The following SLC36A2 variants were observed in gnomAD, a reference collection of about 807,000 sequenced individuals.
SLC36A2 encodes the protein proton-coupled amino acid transporter 2.
In SLC36A2, 39 loss-of-function variants were observed where a neutral mutation model predicts 42.7. The observed-to-expected ratio is 0.91, with a 90% CI of 0.71 to 1.19. The LOEUF is 1.19. SLC36A2 is among the 50% of genes most tolerant of loss of function. SLC36A2 has a pLI of 0.00. For synonymous variants in SLC36A2, 237 were observed against 240.8 expected (o/e 0.98, Z 0.15); for missense variants, 590 against 613.7 (o/e 0.96, Z 0.41).
At chr5:151,343,895 G>A (rs1756418640) in intron 2 of SLC36A2, among the ~76,000 whole-genome samples, 1 of 152,280 alleles carries the variant, frequency 6.6e-6, no homozygotes, top group Admixed American at 6.5e-5. Flanking sequence ...AGGGGACCTG[G>A]TGTTCTATAG....
intron 5 of SLC36A2, among the ~76,000 whole-genome samples, chr5:151,336,163 GC>G (rs913026150): frequency 6.6e-6 from 1 of 152,220 alleles, no homozygotes; most frequent in African/African-American, 2.4e-5. Context: ...ATTGAATGCA[GC>G]CTTTGAGGAC....
intron 1 of SLC36A2, 60 bp from the exon 2 acceptor site, chr5:151,344,327 G>T: frequency 1.4e-6 from 2 of 1,423,916 alleles, no homozygotes; most frequent in Non-Finnish European, 9.8e-7. Context: ...ATCCAGCGGT[G>T]ATTCCCTTGC....
intron 5 of SLC36A2, 94 bp downstream of exon 5, chr5:151,338,966 T>A: frequency 1.1e-6 from 1 of 910,400 alleles, no homozygotes; most frequent in Non-Finnish European, 1.8e-6. Context: ...GTTACATTGA[T>A]GAGGACCAGA....
chr5:151,322,272 C>T, intron 8 of SLC36A2, 57 bp from the exon 9 acceptor site: 1 of 1,590,646 alleles, frequency 6.3e-7, no homozygotes, highest in Non-Finnish European at 8.6e-7. Flanking sequence ...ACACTGGCCT[C>T]CTTGGAACAT....
chr5:151,322,702 C>T (rs1580845239), intron 8 of SLC36A2, among the ~76,000 whole-genome samples: 1 of 152,252 alleles, frequency 6.6e-6, no homozygotes, highest in African/African-American at 2.4e-5. Context: ...GAGAGAACTG[C>T]AGAATCCCAA....
At position 151,316,672 on chromosome 5, in the gene SLC36A2, C is replaced by T. The variant is rs570466366; in HGVS notation, c.*145G>A. 56 of 1,044,932 alleles carry T rather than the reference C, an allele frequency of 5.4e-5. No individual in the cohort carries two copies. The highest frequency in any genetic ancestry group is 7.4e-5 in the African/African-American group (4 of 54,316). 64.7% of individuals were successfully genotyped at this position (1,044,932 alleles called of 1,614,324 possible). On this transcript the variant is annotated 3_prime_UTR_variant, in exon 10 of 10. Coordinates refer to ENST00000335244, the MANE Select transcript of SLC36A2 (RefSeq NM_181776.3). ...GGAGAATCGCTTGAACCCAGGAGGCCGAAGTTGTGGTGAGCTGAGATCGCA... is the reference window on the plus strand; with the variant it reads ...GGAGAATCGCTTGAACCCAGGAGGCTGAAGTTGTGGTGAGCTGAGATCGCA...
rs762957565 is a variant in SLC36A2 at position 151,344,315 on chromosome 5, A to G, written c.165-48T>C. 1.1e-5 allele frequency: 17 copies of G among 1,507,700 alleles called. No homozygotes were observed. The South Asian group carries it at 1.6e-4, about 14-fold the overall frequency. The allele number at this position is 1,507,700 out of a possible 1,614,324, so 93.4% of individuals were successfully genotyped here. On this transcript the variant is annotated intron_variant, in intron 1 of 9. Transcript: ENST00000335244. Reference sequence around the variant, plus strand: ...GAAGTATGGGTGTGTGGAGGTGAGAAGATCCAGCGGTGATTCCCTTGCAGC... The same window carrying G: ...GAAGTATGGGTGTGTGGAGGTGAGAGGATCCAGCGGTGATTCCCTTGCAGC...
At chr5:151,340,366 T>G (rs144435040) in intron 4 of SLC36A2, among the ~76,000 whole-genome samples, 28 of 152,170 alleles carry the variant, frequency 1.8e-4, no homozygotes, top group Non-Finnish European at 3.8e-4. Context: ...ATTCAGAATC[T>G]GAATCTTTGA....
In SLC36A2 at chr5:151,347,340, T is replaced by G. The variant is rs1364461886; in HGVS notation, c.121A>C (p.Ser41Arg). ...ENKDSTFLDE[S>R]PSESAGLKKT... is the part of the protein sequence containing the mutation. ...TTCAAGCCTGCTGACTCTGAAGGAC[T>G]TTCATCCAAGAATGTAGAGTCCTTG... Residue 41 changes from serine to arginine, a missense_variant, in exon 1 of 10, where the codon AGT becomes CGT. Transcript: ENST00000335244. The G allele has an allele frequency of 6.2e-7, 1 of 1,614,258 alleles. No homozygotes were observed. The highest frequency in any genetic ancestry group is 1.3e-5 in the African/African-American group (1 of 75,074).
chr5:151,343,293 G>A (rs879088933), intron 3 of SLC36A2, among the ~76,000 whole-genome samples: 3 of 152,262 alleles, frequency 2.0e-5, no homozygotes, highest in African/African-American at 7.2e-5. Context: ...ATTTCCAGAG[G>A]AGCCAACCAG....
intron 6 of SLC36A2, among the ~76,000 whole-genome samples, chr5:151,334,298 T>G (rs1011558537): frequency 3.9e-5 from 6 of 152,356 alleles, no homozygotes; most frequent in African/African-American, 1.4e-4. Context: ...GTAACTTTTT[T>G]TCTCTTGTGG....
Position 151,322,171 on chromosome 5 carries a change from C to G in SLC36A2, c.1055G>C (p.Cys352Ser). The G allele has an allele frequency of 6.2e-7, 1 of 1,614,154 alleles. No homozygotes were observed. ...VKLLYIAGIL[C>S]TYALQFYVPA... ...GACGTAGAACTGCAGGGCATAGGTG[C>G]ACAGGATGCCGGCAATGTAGAGAAG... is the stretch of plus-strand genomic sequence containing the variant. Residue 352 changes from cysteine to serine, a missense_variant, in exon 9 of 10, where the codon TGC becomes TCC. Transcript: ENST00000335244.
At chr5:151,332,525 T>G (rs1756027423) in intron 7 of SLC36A2, 1 of 435,858 alleles carries the variant, frequency 2.3e-6, no homozygotes, top group South Asian at 1.7e-5. Context: ...CAGTGGACGC[T>G]CTGCAATAGA....
intron 4 of SLC36A2, among the ~76,000 whole-genome samples, chr5:151,342,535 C>T (rs1026876033): frequency 2.6e-5 from 4 of 152,212 alleles, no homozygotes; most frequent in Non-Finnish European, 5.9e-5. Flanking sequence ...TAACTCTATT[C>T]TAGGCTGTTT....
intron 2 of SLC36A2, among the ~76,000 whole-genome samples, chr5:151,343,924 G>A (rs1580866561): frequency 6.6e-6 from 1 of 152,162 alleles, no homozygotes; most frequent in East Asian, 1.9e-4. Context: ...TGGAAAACTG[G>A]GCATAGTCCA....
rs1221068082 is a variant in SLC36A2 at position 151,343,088 on chromosome 5, A to G, written c.345-105T>C. The G allele has an allele frequency of 5.5e-6, 5 of 909,502 alleles. No homozygotes were observed. In the Admixed American group the frequency reaches 7.8e-5, roughly 14 times the overall value. The allele number at this position is 909,502 out of a possible 1,614,324, so 56.3% of individuals were successfully genotyped here. A position where few individuals can be genotyped will look rare whatever the true frequency, so the allele number is the denominator to read the frequency against. On this transcript the variant is annotated intron_variant, in intron 3 of 9. Coordinates refer to ENST00000335244, the MANE Select transcript of SLC36A2 (RefSeq NM_181776.3). ...ACAAGGCAGGACACAGCTAAAGAGC[A>G]GAAAGAACACAGGGGCAGAGACCTC...
intron 4 of SLC36A2, among the ~76,000 whole-genome samples, chr5:151,340,873 C>T (rs1432014488): frequency 1.3e-5 from 2 of 152,034 alleles, no homozygotes; most frequent in African/African-American, 4.8e-5. Context: ...TGCAGTAGAC[C>T]CATTGTCTAA....
chr5:151,314,994 A>G lies in SLC36A2; in HGVS notation c.*1823T>C, dbSNP rs1204560734. The G allele has an allele frequency of 6.6e-6, 1 of 152,600 alleles. No homozygotes were observed. Among genetic ancestry groups the G allele is most frequent in the Admixed American group, 6.5e-5 (1 of 15,278 alleles). 9.5% of individuals were successfully genotyped at this position (152,600 alleles called of 1,614,324 possible). On this transcript the variant is annotated 3_prime_UTR_variant, in exon 10 of 10. Transcript: ENST00000335244. ...CTCTTTATGTATTAAAATTACAAAC[A>G]TCTTTATTATTTATCACAGTTCTGT...
chr5:151,344,126 C>G (rs767155061), intron 2 of SLC36A2, 51 bp downstream of exon 2: 5 of 1,551,892 alleles, frequency 3.2e-6, no homozygotes, highest in Non-Finnish European at 3.5e-6. Flanking sequence ...TCTCCTCTTA[C>G]TTCCCTTCTG....
Sources: allele counts gnomAD v4.1 joint callset (sites outside exome capture counted in the v4.1 genomes callset), GRCh38; gene constraint gnomAD v4.1.1; transcripts MANE v1.5; gene names NCBI Gene and HGNC (gene_info 2026-07-23, HGNC 2026-07-21).